Variants in PRKG1 observed in about 807,000 individuals in gnomAD.
PRKG1 encodes the protein cGMP-dependent protein kinase 1.
In PRKG1, 35 loss-of-function variants were observed where a neutral mutation model predicts 88.1. The ratio of observed to expected loss-of-function variants is 0.40; its 90% CI spans 0.30 to 0.53. The LOEUF is 0.53. Among genes scored for constraint, PRKG1 ranks in the 20% least tolerant of loss-of-function variants. PRKG1 has a pLI of 0.59. For synonymous variants in PRKG1, 303 were observed against 292.5 expected, an observed-to-expected ratio of 1.04 and a Z score of -0.37; for missense variants, 540 against 839.8, an observed-to-expected ratio of 0.64 and a Z score of 4.41.
chr10:52,073,472 C>T (rs188718449), intron 7 of PRKG1, among the ~76,000 whole-genome samples: 103 of 152,302 alleles, frequency 6.8e-4, no homozygotes, highest in African/African-American at 2.4e-3. Flanking sequence ...CAGCTACATC[C>T]TGCTTCATTA....
Position 52,105,190 on chromosome 10 carries a change from G to GT in PRKG1, c.936-28639dup, listed in dbSNP as rs372399083. 1.5e-3 allele frequency among the ~76,000 whole-genome samples: 225 copies of GT among 145,554 alleles called. 1 individual carries two copies. The highest frequency in any genetic ancestry group is 3.9e-3 in the South Asian group (18 of 4,564). On this transcript the variant is annotated intron_variant, in intron 7 of 17. Coordinates refer to ENST00000373980, the MANE Select transcript of PRKG1 (RefSeq NM_006258.4). The stretch of plus-strand genomic sequence containing the variant: ...TGTTTGGTGAAATTAAGAGACAACT[G>GT]TTTTTTTTTTTATTACCAATTGGAA...
chr10:51,237,193 A>G (rs1191818759), intron 2 of PRKG1, among the ~76,000 whole-genome samples: 4 of 152,240 alleles, frequency 2.6e-5, no homozygotes, highest in African/African-American at 9.6e-5. Context: ...ATGACATTAA[A>G]TAATGTTTTA....
At chr10:51,848,384 G>C (rs1178673769) in intron 4 of PRKG1, among the ~76,000 whole-genome samples, 1 of 152,060 alleles carries the variant, frequency 6.6e-6, no homozygotes, top group Non-Finnish European at 1.5e-5. Context: ...CTATTTTATG[G>C]TTCCCGCACC....
chr10:51,246,141 C>T (rs1286117761), intron 2 of PRKG1, among the ~76,000 whole-genome samples: 1 of 152,058 alleles, frequency 6.6e-6, no homozygotes, highest in Non-Finnish European at 1.5e-5. Flanking sequence ...TTTGCACTTG[C>T]TGCTCCGCAA....
chr10:51,607,695 T>G (rs1467062885), intron 3 of PRKG1, among the ~76,000 whole-genome samples: 2 of 152,234 alleles, frequency 1.3e-5, no homozygotes, highest in Non-Finnish European at 1.5e-5. Flanking sequence ...AGAAAAGAGA[T>G]AAGTGCCTAT....
At chr10:51,952,037 A>G (rs538144293) in intron 5 of PRKG1, among the ~76,000 whole-genome samples, 2 of 152,330 alleles carry the variant, frequency 1.3e-5, no homozygotes, top group African/African-American at 4.8e-5. Flanking sequence ...GTTTCCAACT[A>G]CAAGAGGAGA....
chr10:51,884,647 C>T (rs1372005169), intron 4 of PRKG1, among the ~76,000 whole-genome samples: 1 of 151,982 alleles, frequency 6.6e-6, no homozygotes, highest in Non-Finnish European at 1.5e-5. Flanking sequence ...TGAGGCCATG[C>T]GTACACTGAA....
chr10:51,906,021 T>C (rs577860034), intron 4 of PRKG1, among the ~76,000 whole-genome samples: 31 of 152,258 alleles, frequency 2.0e-4, no homozygotes, highest in Non-Finnish European at 4.4e-5. Context: ...AAAGAGATCG[T>C]GATAGGAGAA....
chr10:51,931,647 T>C (rs914988298), intron 5 of PRKG1, among the ~76,000 whole-genome samples: 1 of 152,096 alleles, frequency 6.6e-6, no homozygotes, highest in East Asian at 1.9e-4. Context: ...TACACCATTC[T>C]TATAGGAAAG....
chr10:51,238,693 C>T (rs879346576), intron 2 of PRKG1, among the ~76,000 whole-genome samples: 1 of 140,700 alleles, frequency 7.1e-6, no homozygotes, highest in East Asian at 2.1e-4. Context: ...CCTGGGAGGA[C>T]GAGGTTGCAG....
At chr10:52,077,604 A>G (rs115007606) in intron 7 of PRKG1, among the ~76,000 whole-genome samples, 1 of 152,218 alleles carries the variant, frequency 6.6e-6, no homozygotes, top group African/African-American at 2.4e-5. Flanking sequence ...TTTAATGTCA[A>G]TTATACCTCA....
intron 8 of PRKG1, among the ~76,000 whole-genome samples, chr10:52,157,305 T>TGG (rs1564494120): frequency 3.5e-5 from 2 of 57,196 alleles, no homozygotes; most frequent in Non-Finnish European, 6.2e-5. Context: ...GTGAGTTAGT[T>TGG]GATATATATA....
chr10:51,204,367 C>CGTGTGT lies in PRKG1; in HGVS notation c.478+51066_478+51071dup, dbSNP rs34624885. 4.9e-3 allele frequency among the ~76,000 whole-genome samples: 711 copies of CGTGTGT among 145,962 alleles called. 7 individuals carry two copies. The highest frequency in any genetic ancestry group is 0.016 in the African/African-American group (650 of 39,548). ...TATTTAGATTATTTGAGTAGACCTCCGTGTGTGTGTGTGTGTGTGTGTGTG... is the reference window on the plus strand; with the variant it reads ...TATTTAGATTATTTGAGTAGACCTCCGTGTGTGTGTGTGTGTGTGTGTGTGTGTGTG... On this transcript the variant is annotated intron_variant, in intron 2 of 17. Transcript: ENST00000373980.
chr10:51,576,386 C>A (rs1344278329), intron 3 of PRKG1, among the ~76,000 whole-genome samples: 1 of 151,852 alleles, frequency 6.6e-6, no homozygotes, highest in East Asian at 1.9e-4. Context: ...CATGGGCTTT[C>A]TCCTCTATAT....
intron 7 of PRKG1, among the ~76,000 whole-genome samples, chr10:52,072,804 T>C (rs574318030): frequency 6.6e-6 from 1 of 152,320 alleles, no homozygotes; most frequent in South Asian, 2.1e-4. Flanking sequence ...CCATGATCTG[T>C]CTAAATTATA....
At chr10:51,562,386 T>G (rs545729592) in intron 3 of PRKG1, among the ~76,000 whole-genome samples, 5 of 152,272 alleles carry the variant, frequency 3.3e-5, no homozygotes, top group African/African-American at 1.2e-4. Context: ...TTAAAATGAA[T>G]TATCTTACTA....
intron 9 of PRKG1, among the ~76,000 whole-genome samples, chr10:52,195,098 C>T (rs974888862): frequency 5.9e-5 from 9 of 152,236 alleles, no homozygotes; most frequent in African/African-American, 1.9e-4. Context: ...TAGATCACAT[C>T]ATTTGGTAAA....
chr10:52,291,315 T>C (rs963518363), intron 17 of PRKG1, among the ~76,000 whole-genome samples: 2 of 151,896 alleles, frequency 1.3e-5, no homozygotes, highest in East Asian at 3.9e-4. Context: ...GCAGGTTAGT[T>C]ACATATGTAT....
intron 2 of PRKG1, among the ~76,000 whole-genome samples, chr10:51,437,356 C>T (rs1197929139): frequency 2.0e-5 from 3 of 151,974 alleles, no homozygotes; most frequent in Non-Finnish European, 4.4e-5. Context: ...ATGAGATATA[C>T]ACACGGGCAA....
Sources: gnomAD v4.1 joint callset for allele counts (sites outside exome capture counted in the v4.1 genomes callset) on GRCh38, gnomAD v4.1.1 for gene constraint, MANE v1.5 for transcripts, NCBI Gene and HGNC (gene_info 2026-07-23, HGNC 2026-07-21) for gene names.